Variants in PTPRN2 observed in about 807,000 individuals in gnomAD.
The protein encoded by PTPRN2 is receptor-type tyrosine-protein phosphatase N2.
A neutral mutation model predicts 118.8 loss-of-function variants in PTPRN2; 74 were observed. The observed-to-expected ratio is 0.62, with a 90% CI of 0.52 to 0.76. The LOEUF (loss-of-function observed/expected upper bound fraction) is 0.76, where lower values mean the gene tolerates loss of function less well. Ranked by LOEUF, PTPRN2 falls within the 30% of genes least tolerant of loss-of-function variation. The pLI, the probability that PTPRN2 is intolerant of heterozygous loss-of-function variation, is 0.00. For missense variants in PTPRN2, 1,481 were observed against 1,394.4 expected (o/e 1.06, Z -0.99); for synonymous variants, 641 against 608.0 (o/e 1.05, Z -0.80).
At chr7:158,396,398 G>A (rs916244185) in intron 2 of PTPRN2, among the ~76,000 whole-genome samples, 1 of 152,236 alleles carries the variant, frequency 6.6e-6, no homozygotes, top group Admixed American at 6.5e-5. Context: ...GTGAGGTGAA[G>A]TCTGTGTGTG....
intron 11 of PTPRN2, among the ~76,000 whole-genome samples, chr7:158,001,499 C>A (rs1805257080): frequency 1.3e-5 from 2 of 152,108 alleles, no homozygotes; most frequent in Non-Finnish European, 2.9e-5. Flanking sequence ...ATACCCATGA[C>A]CCCTCAGGAC....
intron 11 of PTPRN2, among the ~76,000 whole-genome samples, chr7:158,049,947 A>C (rs1809201307): frequency 6.6e-6 from 1 of 151,992 alleles, no homozygotes; most frequent in Admixed American, 6.6e-5. Flanking sequence ...CTCAGTTCTT[A>C]TTTGTTGCAA....
At chr7:158,247,431 G>A (rs1796329783) in intron 3 of PTPRN2, among the ~76,000 whole-genome samples, 1 of 151,978 alleles carries the variant, frequency 6.6e-6, no homozygotes, top group Non-Finnish European at 1.5e-5. Flanking sequence ...GTGGCCAGGG[G>A]TGCCCGTCCC....
chr7:158,320,731 A>C (rs1802945888), intron 2 of PTPRN2, among the ~76,000 whole-genome samples: 1 of 152,178 alleles, frequency 6.6e-6, no homozygotes, highest in Non-Finnish European at 1.5e-5. Context: ...GGACTTCATG[A>C]TGTGGGTGTC....
intron 2 of PTPRN2, among the ~76,000 whole-genome samples, chr7:158,348,725 C>T (rs1457190043): frequency 3.3e-5 from 5 of 152,170 alleles, no homozygotes; most frequent in Non-Finnish European, 4.4e-5. Context: ...TCAAAGAGAC[C>T]GTCACTGTGT....
At chr7:157,771,975 TACACACGG>T (rs1802862450) in intron 12 of PTPRN2, among the ~76,000 whole-genome samples, 1 of 131,080 alleles carries the variant, frequency 7.6e-6, no homozygotes, top group African/African-American at 3.0e-5. Context: ...CACACACACA[TACACACGG>T]ACACACATGA....
At chr7:158,362,836 C>T (rs1435457673) in intron 2 of PTPRN2, among the ~76,000 whole-genome samples, 1 of 152,216 alleles carries the variant, frequency 6.6e-6, no homozygotes, top group Non-Finnish European at 1.5e-5. Context: ...GGGGCCCAAA[C>T]ATCCCAGGGG....
chr7:157,613,284 C>T (rs1430375835), intron 15 of PTPRN2, among the ~76,000 whole-genome samples: 1 of 152,264 alleles, frequency 6.6e-6, no homozygotes. Context: ...GCTGTCAGCT[C>T]AGCAGGTGAC....
rs1003674268 is a variant in PTPRN2 at position 158,546,425 on chromosome 7, G to A, written c.112+41133C>T. On this transcript the variant is annotated intron_variant, in intron 1 of 22. Transcript: ENST00000389418. This position sits in a 1 kb window ranked among gnomAD's most constrained non-coding sequence, Gnocchi z 5.0. Reference sequence around the variant, plus strand: ...TCCTTTGGGCACCACAGCCCGGAATGGTGCTGGAATCACAGCCGCCGGGTT... The same window carrying A: ...TCCTTTGGGCACCACAGCCCGGAATAGTGCTGGAATCACAGCCGCCGGGTT... Among the ~76,000 whole-genome samples the A allele has an allele frequency of 2.0e-5, 3 of 152,238 alleles. No individual in the cohort carries two copies. Among genetic ancestry groups the A allele is most frequent in the African/African-American group, 7.2e-5 (3 of 41,474 alleles).
At chr7:157,940,709 C>CG (rs1554496362) in intron 11 of PTPRN2, among the ~76,000 whole-genome samples, 1 of 141,614 alleles carries the variant, frequency 7.1e-6, no homozygotes, top group Non-Finnish European at 1.5e-5. Flanking sequence ...AACGCCCCCC[C>CG]GTGACACTGC....
intron 6 of PTPRN2, among the ~76,000 whole-genome samples, chr7:158,164,610 C>G (rs890296237): frequency 1.3e-5 from 2 of 152,122 alleles, no homozygotes. Context: ...CTCACCCTCA[C>G]CCGGCTCTCC....
At chr7:157,781,331 AAC>A (rs1803669037) in intron 12 of PTPRN2, among the ~76,000 whole-genome samples, 1 of 152,238 alleles carries the variant, frequency 6.6e-6, no homozygotes, top group South Asian at 2.1e-4. Flanking sequence ...TTTTCAGAAT[AAC>A]ACACAGTTAA....
At chr7:158,331,515 C>T (rs55674416) in intron 2 of PTPRN2, among the ~76,000 whole-genome samples, 2 of 102,712 alleles carry the variant, frequency 1.9e-5, no homozygotes, top group Admixed American at 2.0e-4. Context: ...CACCCACAGA[C>T]ATCACTCACA....
intron 2 of PTPRN2, among the ~76,000 whole-genome samples, chr7:158,432,724 G>T (rs1247617714): frequency 6.6e-6 from 1 of 152,132 alleles, no homozygotes; most frequent in African/African-American, 2.4e-5. Flanking sequence ...ACGCAGCCTG[G>T]CCCGGGATTT....
intron 12 of PTPRN2, among the ~76,000 whole-genome samples, chr7:157,772,815 T>G (rs1802965772): frequency 1.3e-5 from 2 of 152,262 alleles, no homozygotes; most frequent in African/African-American, 4.8e-5. Context: ...CTTTCTTCTC[T>G]GGCCTCTGCG....
At chr7:157,855,161 G>A (rs1162678443) in intron 12 of PTPRN2, among the ~76,000 whole-genome samples, 23 of 144,806 alleles carry the variant, frequency 1.6e-4, no homozygotes, top group Admixed American at 1.4e-3. Flanking sequence ...GGGCCGGATC[G>A]GGGAGGATGG....
chr7:158,388,700 G>C (rs1357917429), intron 2 of PTPRN2, among the ~76,000 whole-genome samples: 1 of 152,134 alleles, frequency 6.6e-6, no homozygotes, highest in South Asian at 2.1e-4. Flanking sequence ...CAAGAGTTGG[G>C]GGGGCCTGAA....
chr7:158,262,302 C>T (rs1211178012), intron 3 of PTPRN2, among the ~76,000 whole-genome samples: 1 of 151,622 alleles, frequency 6.6e-6, no homozygotes, highest in African/African-American at 2.4e-5. Flanking sequence ...ACCGCACACA[C>T]ATTCACACAC....
At position 157,591,979 on chromosome 7, in the gene PTPRN2, G is replaced by T. The variant is rs1801007722; in HGVS notation, c.2496+3259C>A. On this transcript the variant is annotated intron_variant, in intron 17 of 22. Transcript: ENST00000389418. The surrounding 1 kb of genome is among the most constrained non-coding windows in gnomAD (Gnocchi z 4.4). ...GGCTGGCATGCTCGAGAACATCCTGGGAGGGCTGAGGCTACTGGCCATGAG... is the reference window on the plus strand; with the variant it reads ...GGCTGGCATGCTCGAGAACATCCTGTGAGGGCTGAGGCTACTGGCCATGAG... 6.6e-6 allele frequency among the ~76,000 whole-genome samples: 1 copy of T among 152,186 alleles called. No individual in the cohort carries two copies. The highest frequency in any genetic ancestry group is 6.5e-5 in the Admixed American group (1 of 15,292).
Sources: gnomAD v4.1 joint callset for allele counts (sites outside exome capture counted in the v4.1 genomes callset) on GRCh38, gnomAD v4.1.1 for gene constraint, Gnocchi (gnomAD v3.1) non-coding constraint, MANE v1.5 for transcripts, NCBI Gene and HGNC (gene_info 2026-07-23, HGNC 2026-07-21) for gene names.